PARD3B: variants seen among roughly 807,000 people sequenced by gnomAD.
PARD3B encodes the protein partitioning defective 3 homolog B.
PARD3B carries 103 observed loss-of-function variants against 130.2 expected under a neutral mutation model. That is an observed-to-expected ratio of 0.79 (90% confidence interval 0.67 to 0.93). The LOEUF is 0.93. Ranked by LOEUF, PARD3B falls within the 40% of genes least tolerant of loss-of-function variation. The pLI, the probability that PARD3B is intolerant of heterozygous loss-of-function variation, is 0.00. For synonymous variants in PARD3B, 583 were observed against 553.2 expected, an observed-to-expected ratio of 1.05 and a Z score of -0.76; for missense variants, 1,609 against 1,499.2, an observed-to-expected ratio of 1.07 and a Z score of -1.21.
chr2:204,701,469 A>C (rs945421635), intron 2 of PARD3B, among the ~76,000 whole-genome samples: 1 of 152,150 alleles, frequency 6.6e-6, no homozygotes, highest in South Asian at 2.1e-4. Context: ...CATTTGTTTT[A>C]TAGGTGATTA....
chr2:205,285,246 G>C (rs1225470564), intron 16 of PARD3B, among the ~76,000 whole-genome samples: 2 of 152,138 alleles, frequency 1.3e-5, no homozygotes, highest in African/African-American at 4.8e-5. Context: ...TTGGCACAGA[G>C]ACTGTACCAT....
intron 3 of PARD3B, among the ~76,000 whole-genome samples, chr2:205,041,931 G>A (rs770386438): frequency 2.9e-4 from 44 of 152,038 alleles, no homozygotes; most frequent in Middle Eastern, 3.4e-3. Flanking sequence ...ATTAAATGAC[G>A]TCACCTGTCA....
chr2:204,767,125 A>G (rs2041199777), intron 2 of PARD3B, among the ~76,000 whole-genome samples: 1 of 93,140 alleles, frequency 1.1e-5, no homozygotes, highest in Non-Finnish European at 2.2e-5. Flanking sequence ...CATTAGGTAT[A>G]TCTCCCAATG....
At chr2:205,140,089 C>A (rs372902476) in intron 10 of PARD3B, among the ~76,000 whole-genome samples, 2 of 152,352 alleles carry the variant, frequency 1.3e-5, no homozygotes, top group East Asian at 1.9e-4. Flanking sequence ...ATCAGAAGCA[C>A]ACAGCCAGGC....
At chr2:205,534,181 G>A (rs781403544) in intron 21 of PARD3B, among the ~76,000 whole-genome samples, 10 of 152,130 alleles carry the variant, frequency 6.6e-5, no homozygotes, top group Non-Finnish European at 1.5e-4. Flanking sequence ...CTGGTGCTAG[G>A]AAAGAAAACA....
chr2:205,610,598 T>C (rs916639778), intron 22 of PARD3B, among the ~76,000 whole-genome samples: 1 of 152,156 alleles, frequency 6.6e-6, no homozygotes, highest in Non-Finnish European at 1.5e-5. Context: ...TGAATCCCAG[T>C]GTAAGATTTA....
At chr2:205,383,588 C>A (rs1037125051) in intron 18 of PARD3B, among the ~76,000 whole-genome samples, 5 of 152,052 alleles carry the variant, frequency 3.3e-5, no homozygotes, top group Non-Finnish European at 7.4e-5. Context: ...TGGGTTCCCT[C>A]CATACCTTGG....
chr2:204,586,563 C>T (rs10190374), intron 1 of PARD3B, among the ~76,000 whole-genome samples: 1,675 of 152,246 alleles, frequency 0.011, 29 homozygotes, highest in African/African-American at 0.038. Flanking sequence ...CCATGGGTCC[C>T]GGTAATGTGT....
intron 16 of PARD3B, among the ~76,000 whole-genome samples, chr2:205,270,866 A>G (rs1185128227): frequency 1.3e-5 from 2 of 152,130 alleles, no homozygotes; most frequent in African/African-American, 2.4e-5. Flanking sequence ...AGACGGCTTT[A>G]ACACATTTCC....
intron 2 of PARD3B, among the ~76,000 whole-genome samples, chr2:204,903,692 T>G (rs1575261986): frequency 6.6e-6 from 1 of 152,214 alleles, no homozygotes; most frequent in African/African-American, 2.4e-5. Flanking sequence ...GAGACTATCT[T>G]CATCTCTTCC....
At chr2:205,104,312 C>T in intron 4 of PARD3B, 114 bp from the exon 5 acceptor site, 1 of 664,738 alleles carries the variant, frequency 1.5e-6, no homozygotes, top group Non-Finnish European at 2.6e-6. Flanking sequence ...GAAATTAGAG[C>T]ATACTGTATA....
chr2:204,784,488 C>T (rs894309816), intron 2 of PARD3B, among the ~76,000 whole-genome samples: 3 of 152,114 alleles, frequency 2.0e-5, no homozygotes, highest in Non-Finnish European at 2.9e-5. Context: ...CAGAATAGTA[C>T]TTGCCCAATG....
In PARD3B at chr2:205,380,634, T is replaced by TA. The variant is rs1349204779; in HGVS notation, c.2631-20379_2631-20378insA. ...TATTATATATATTATATAAAGAATA[T>TA]TATATATTATATAAAGAATATATAT... is the stretch of plus-strand genomic sequence containing the variant. On this transcript the variant is annotated intron_variant, in intron 18 of 22. Coordinates refer to ENST00000406610, the MANE Select transcript of PARD3B (RefSeq NM_001302769.2). Among the ~76,000 whole-genome samples, 2 of 52,252 alleles carry TA rather than the reference T, an allele frequency of 3.8e-5. 1 individual carries two copies. The highest frequency in any genetic ancestry group is 3.3e-4 in the African/African-American group (2 of 5,988). The allele number at this position is 52,252 out of a possible 152,430, so 34.3% of individuals were successfully genotyped here. A position where few individuals can be genotyped will look rare whatever the true frequency, so the allele number is the denominator to read the frequency against.
In PARD3B at chr2:205,347,864, G is replaced by A. The variant is rs897289464; in HGVS notation, c.2630+46163G>A. The A allele has an allele frequency of 2.0e-5, 3 of 152,332 alleles. No homozygotes were observed. The East Asian group carries it at 5.8e-4, about 29-fold the overall frequency. 9.4% of individuals were successfully genotyped at this position (152,332 alleles called of 1,614,324 possible). On this transcript the variant is annotated intron_variant, in intron 18 of 22. Transcript: ENST00000406610. Reference sequence around the variant, plus strand: ...GGGTAACAGTAGCCAGAGTTTGCTGGTTGGATCTTCCAGGAAGCAGGAGCT... The same window carrying A: ...GGGTAACAGTAGCCAGAGTTTGCTGATTGGATCTTCCAGGAAGCAGGAGCT...
At chr2:204,904,487 G>T (rs990537913) in intron 2 of PARD3B, among the ~76,000 whole-genome samples, 3 of 152,018 alleles carry the variant, frequency 2.0e-5, no homozygotes, top group Non-Finnish European at 4.4e-5. Context: ...TGTATTATTT[G>T]CATCCATCGT....
intron 2 of PARD3B, among the ~76,000 whole-genome samples, chr2:204,771,996 A>T (rs1448498795): frequency 6.6e-6 from 1 of 152,058 alleles, no homozygotes; most frequent in Admixed American, 6.6e-5. Flanking sequence ...TCAAATCCTA[A>T]GGCTTCCTTT....
intron 21 of PARD3B, among the ~76,000 whole-genome samples, chr2:205,501,154 G>T (rs2160384): frequency 1.3e-5 from 2 of 151,968 alleles, no homozygotes; most frequent in African/African-American, 4.8e-5. Flanking sequence ...ATCAGTTTCA[G>T]GATCCACCAC....
At chr2:205,319,133 G>A (rs2042660308) in intron 18 of PARD3B, among the ~76,000 whole-genome samples, 1 of 152,124 alleles carries the variant, frequency 6.6e-6, no homozygotes, top group African/African-American at 2.4e-5. Flanking sequence ...ACCTTGGCCA[G>A]CTTGGTATAA....
intron 20 of PARD3B, among the ~76,000 whole-genome samples, chr2:205,474,401 C>T (rs976120965): frequency 2.0e-5 from 3 of 152,050 alleles, no homozygotes; most frequent in Non-Finnish European, 4.4e-5. Flanking sequence ...GCATATAGTG[C>T]TCACACACAC....
Sources: allele counts gnomAD v4.1 joint callset (sites outside exome capture counted in the v4.1 genomes callset), GRCh38; gene constraint gnomAD v4.1.1; transcripts MANE v1.5; gene names NCBI Gene and HGNC (gene_info 2026-07-23, HGNC 2026-07-21).